Variants in FGD4 observed in about 807,000 individuals in gnomAD.
FGD4 encodes the protein FYVE, RhoGEF and PH domain-containing protein 4.
Under a neutral mutation model 102.0 loss-of-function variants are expected in FGD4, and 42 were observed. The ratio of observed to expected loss-of-function variants is 0.41; its 90% CI spans 0.32 to 0.53. FGD4 has a LOEUF of 0.53. FGD4 is among the 20% of genes least tolerant of loss of function. The pLI, the probability that FGD4 is intolerant of heterozygous loss-of-function variation, is 0.21. For synonymous variants in FGD4, 380 were observed against 375.7 expected (o/e 1.01, Z -0.13); for missense variants, 902 against 1,078.2 (o/e 0.84, Z 2.29).
chr12:32,637,881 G>C (rs1026813612), intron 15 of FGD4: 1 of 152,208 alleles, frequency 6.6e-6, no homozygotes, highest in African/African-American at 2.4e-5. Context: ...CATGGGGATC[G>C]TGGGGATTAC....
intron 1 of FGD4, among the ~76,000 whole-genome samples, chr12:32,421,331 T>TA (rs1941617413): frequency 2.0e-5 from 3 of 152,360 alleles, no homozygotes; most frequent in African/African-American, 7.2e-5. Flanking sequence ...TGGGGTGTAT[T>TA]AGAGAATAGT....
At chr12:32,617,914 A>G (rs936331539) in intron 10 of FGD4, among the ~76,000 whole-genome samples, 3 of 152,230 alleles carry the variant, frequency 2.0e-5, no homozygotes, top group African/African-American at 7.2e-5. Context: ...AAGGATATTT[A>G]TTGACTAGCA....
chr12:32,555,588 T>TTC (rs1389826835), intron 1 of FGD4, among the ~76,000 whole-genome samples: 1 of 149,600 alleles, frequency 6.7e-6, no homozygotes, highest in Admixed American at 6.7e-5. Context: ...TTTTTTTTTT[T>TTC]CGAGATGGAG....
chr12:32,573,352 C>T (rs1449002411), intron 2 of FGD4, among the ~76,000 whole-genome samples: 2 of 150,938 alleles, frequency 1.3e-5, no homozygotes, highest in African/African-American at 4.9e-5. Context: ...GCCTTGGCCT[C>T]CCAAAGTGCT....
At chr12:32,410,486 A>T (rs1239999342) in intron 1 of FGD4, among the ~76,000 whole-genome samples, 2 of 151,484 alleles carry the variant, frequency 1.3e-5, no homozygotes, top group Admixed American at 1.3e-4. Flanking sequence ...CTGTGTCTCA[A>T]AAAGAAAAAA....
Position 32,630,611 on chromosome 12 carries a change from A to G in FGD4, c.2173-2938A>G, listed in dbSNP as rs552748321. Among the ~76,000 whole-genome samples the G allele has an allele frequency of 2.5e-4, 38 of 152,172 alleles. No individual in the cohort carries two copies. The East Asian group carries it at 7.2e-3, about 29-fold the overall frequency. On this transcript the variant is annotated intron_variant, in intron 14 of 16. Transcript: ENST00000534526. ...AGGTGGATCACAAGGTCAGGAGATC[A>G]TGACCATCCTGCACATGCACATGGT... is the stretch of plus-strand genomic sequence containing the variant.
intron 1 of FGD4, among the ~76,000 whole-genome samples, chr12:32,549,110 T>G (rs1467730472): frequency 6.6e-6 from 1 of 152,154 alleles, no homozygotes; most frequent in Admixed American, 6.6e-5. Flanking sequence ...GAGTTCAGAG[T>G]TAAGCAGGTT....
chr12:32,403,601 C>T (rs1940784808), intron 1 of FGD4, among the ~76,000 whole-genome samples: 1 of 143,584 alleles, frequency 7.0e-6, no homozygotes, highest in Non-Finnish European at 1.5e-5. Context: ...AAAACTCCAT[C>T]TTTTTTTTTT....
chr12:32,399,623 G>T lies in FGD4; in HGVS notation c.-171G>T. The T allele has an allele frequency of 7.2e-7, 1 of 1,397,542 alleles. No homozygotes were observed. Among genetic ancestry groups the T allele is most frequent in the Non-Finnish European group, 9.2e-7 (1 of 1,081,574 alleles). 86.6% of individuals were successfully genotyped at this position (1,397,542 alleles called of 1,614,324 possible). On this transcript the variant is annotated 5_prime_UTR_variant, in exon 1 of 17. The change creates a new upstream start codon in the 5' untranslated region. Coordinates refer to ENST00000534526, the MANE Select transcript of FGD4 (RefSeq NM_001370298.3). ...AGCCAAACTCGCCGCGACGCCGGGA[G>T]GGAGCGTACCGGGAAGGAGAGGGAG...
rs936467031 is a variant in FGD4 at position 32,563,037 on chromosome 12, G to C, written c.167-1100G>C. Among the ~76,000 whole-genome samples the C allele has an allele frequency of 6.0e-5, 9 of 150,268 alleles. No individual in the cohort carries two copies. The East Asian group carries it at 6.0e-4, about 10-fold the overall frequency. On this transcript the variant is annotated intron_variant, in intron 1 of 16. Coordinates refer to ENST00000534526, the MANE Select transcript of FGD4 (RefSeq NM_001370298.3). The stretch of plus-strand genomic sequence containing the variant: ...TCCCGGACGGGGCGGCTGGCCGGGC[G>C]GGGGGCTGACACCCCCACCTCCCTC...
intron 1 of FGD4, among the ~76,000 whole-genome samples, chr12:32,413,275 T>C (rs976189152): frequency 1.3e-5 from 2 of 151,664 alleles, no homozygotes; most frequent in African/African-American, 4.9e-5. Flanking sequence ...ACTTAAAGTA[T>C]ATATAAAAAA....
intron 3 of FGD4, 113 bp downstream of exon 3, chr12:32,576,562 G>T: frequency 8.3e-7 from 1 of 1,211,218 alleles, no homozygotes. Context: ...ATTCCATTAG[G>T]TTTGGTAGGC....
chr12:32,636,695 GAAACTGGTAACAT>G (rs1243561447), intron 15 of FGD4, among the ~76,000 whole-genome samples: 2 of 117,780 alleles, frequency 1.7e-5, no homozygotes, highest in African/African-American at 7.2e-5. Context: ...GTGCTTACCA[GAAACTGGTAACAT>G]AAACCATTTG....
intron 1 of FGD4, among the ~76,000 whole-genome samples, chr12:32,504,537 G>C (rs1172294512): frequency 1.3e-5 from 2 of 152,172 alleles, no homozygotes; most frequent in African/African-American, 4.8e-5. Context: ...TTACTTGTGG[G>C]GGTGAAGAGA....
intron 1 of FGD4, among the ~76,000 whole-genome samples, chr12:32,407,830 C>T (rs1319750331): frequency 6.6e-6 from 1 of 152,064 alleles, no homozygotes; most frequent in Non-Finnish European, 1.5e-5. Context: ...TCCTTTATTG[C>T]AGCCCTCTCC....
At chr12:32,517,585 T>C (rs1002015963) in intron 1 of FGD4, among the ~76,000 whole-genome samples, 1 of 152,134 alleles carries the variant, frequency 6.6e-6, no homozygotes, top group African/African-American at 2.4e-5. Context: ...TCTAGACTGA[T>C]GTGTAGGAGA....
chr12:32,540,225 C>T (rs1942694567), intron 1 of FGD4, among the ~76,000 whole-genome samples: 1 of 152,096 alleles, frequency 6.6e-6, no homozygotes, highest in African/African-American at 2.4e-5. Flanking sequence ...TCATAGACCT[C>T]TAAATGCAGT....
At chr12:32,492,597 G>A (rs1944140371) in intron 1 of FGD4, among the ~76,000 whole-genome samples, 1 of 152,092 alleles carries the variant, frequency 6.6e-6, no homozygotes, top group Non-Finnish European at 1.5e-5. Context: ...AATTGCTATA[G>A]TTTATTATAA....
chr12:32,446,021 G>T (rs905553744), intron 1 of FGD4, among the ~76,000 whole-genome samples: 1 of 152,048 alleles, frequency 6.6e-6, no homozygotes, highest in Non-Finnish European at 1.5e-5. Context: ...CAAAAAGTTA[G>T]CCCGGTGTGT....
Sources: gnomAD v4.1 joint callset for allele counts (sites outside exome capture counted in the v4.1 genomes callset) on GRCh38, gnomAD v4.1.1 for gene constraint, MANE v1.5 for transcripts, NCBI Gene and HGNC (gene_info 2026-07-23, HGNC 2026-07-21) for gene names.